EPHA7: variants seen among roughly 807,000 people sequenced by gnomAD.
EPHA7 encodes EPH receptor A7, also known as ephrin type-A receptor 7.
Under a neutral mutation model 112.6 loss-of-function variants are expected in EPHA7, and 25 were observed. The ratio of observed to expected loss-of-function variants is 0.22; its 90% CI spans 0.16 to 0.31. EPHA7 has a LOEUF of 0.31. Among genes scored for constraint, EPHA7 ranks in the 10% least tolerant of loss-of-function variants. The probability of loss-of-function intolerance (pLI) is 1.00; values close to 1 mark genes in which losing one functional copy is unlikely to be tolerated. For missense variants in EPHA7, 962 were observed against 1,212.6 expected (o/e 0.79, Z 3.07); for synonymous variants, 437 against 406.5 (o/e 1.07, Z -0.90).
chr6:93,282,813 T>TC (rs1000189884), intron 5 of EPHA7, among the ~76,000 whole-genome samples: 146 of 152,154 alleles, frequency 9.6e-4, no homozygotes, highest in African/African-American at 3.4e-3. Flanking sequence ...GGTCGATTTC[T>TC]CCCCCGGCCT....
At chr6:93,356,150 G>C (rs767519187) in intron 5 of EPHA7, among the ~76,000 whole-genome samples, 1 of 151,686 alleles carries the variant, frequency 6.6e-6, no homozygotes, top group Non-Finnish European at 1.5e-5. Context: ...CCCTCCTCTA[G>C]ATCTTTCAGT....
chr6:93,310,121 ATTAAC>A (rs1356085184), intron 5 of EPHA7, among the ~76,000 whole-genome samples: 1 of 152,174 alleles, frequency 6.6e-6, no homozygotes, highest in African/African-American at 2.4e-5. Context: ...AATTATTTAA[ATTAAC>A]TTAATTTTCA....
chr6:93,303,947 T>C (rs1324577763), intron 5 of EPHA7, among the ~76,000 whole-genome samples: 1 of 152,118 alleles, frequency 6.6e-6, no homozygotes, highest in Non-Finnish European at 1.5e-5. Context: ...GCACTTAATA[T>C]GCTTCTCACA....
intron 5 of EPHA7, among the ~76,000 whole-genome samples, chr6:93,316,304 A>AAC (rs1378970163): frequency 6.6e-6 from 1 of 152,144 alleles, no homozygotes; most frequent in Non-Finnish European, 1.5e-5. Flanking sequence ...CTAACTTCCT[A>AAC]ACAGTGTTTA....
At chr6:93,344,443 A>C (rs930915106) in intron 5 of EPHA7, among the ~76,000 whole-genome samples, 1 of 151,514 alleles carries the variant, frequency 6.6e-6, no homozygotes, top group Non-Finnish European at 1.5e-5. Flanking sequence ...AAAGGCAGTA[A>C]TTTTTTCCAA....
intron 3 of EPHA7, among the ~76,000 whole-genome samples, chr6:93,404,604 C>T (rs888908994): frequency 6.7e-6 from 1 of 148,436 alleles, no homozygotes; most frequent in Admixed American, 6.8e-5. Context: ...TATATGTATA[C>T]ATGTATACAT....
chr6:93,311,031 C>T (rs546233833), intron 5 of EPHA7, among the ~76,000 whole-genome samples: 1 of 151,298 alleles, frequency 6.6e-6, no homozygotes, highest in East Asian at 1.9e-4. Flanking sequence ...CTCACTGCAA[C>T]CTTGACCTCC....
chr6:93,322,593 G>A (rs1582519068), intron 5 of EPHA7, among the ~76,000 whole-genome samples: 1 of 151,464 alleles, frequency 6.6e-6, no homozygotes, highest in African/African-American at 2.4e-5. Context: ...TTAGTTTTTG[G>A]TAAGGGAATA....
chr6:93,296,546 C>G (rs1409294690), intron 5 of EPHA7, among the ~76,000 whole-genome samples: 3 of 150,392 alleles, frequency 2.0e-5, no homozygotes, highest in Admixed American at 1.3e-4. Flanking sequence ...TTTGCCACCA[C>G]ATAGATGAAC....
Position 93,242,518 on chromosome 6 carries a change from C to G in EPHA7, c.*908G>C, listed in dbSNP as rs1769733871. 5.0e-6 allele frequency: 1 copy of G among 199,988 alleles called. No homozygotes were observed. Among genetic ancestry groups the G allele is most frequent in the Admixed American group, 6.0e-5 (1 of 16,592 alleles). 12.4% of individuals were successfully genotyped at this position (199,988 alleles called of 1,614,324 possible). ...TTTTAGATAACACTGGATAGTTCTG[C>G]TTTCAGAGACTTGCCTTCACCAACA... is the stretch of plus-strand genomic sequence containing the variant. On this transcript the variant is annotated 3_prime_UTR_variant, in exon 17 of 17. Coordinates refer to ENST00000369303, the MANE Select transcript of EPHA7 (RefSeq NM_004440.4).
At chr6:93,390,227 A>T (rs1777835815) in intron 3 of EPHA7, among the ~76,000 whole-genome samples, 1 of 151,702 alleles carries the variant, frequency 6.6e-6, no homozygotes, top group Non-Finnish European at 1.5e-5. Flanking sequence ...TTCTCAAAAA[A>T]AAAATCAGTA....
intron 5 of EPHA7, among the ~76,000 whole-genome samples, chr6:93,277,800 G>GA (rs1771540279): frequency 6.6e-6 from 1 of 151,644 alleles, no homozygotes; most frequent in East Asian, 1.9e-4. Flanking sequence ...ATAAATTCAA[G>GA]AAACAGTTAC....
intron 5 of EPHA7, among the ~76,000 whole-genome samples, chr6:93,296,654 C>T (rs1043146879): frequency 6.6e-6 from 1 of 151,096 alleles, no homozygotes; most frequent in Non-Finnish European, 1.5e-5. Context: ...GTCAAATAAA[C>T]AGAGATAGAG....
intron 9 of EPHA7, among the ~76,000 whole-genome samples, 171 bp from the exon 10 acceptor site, chr6:93,259,650 T>A (rs557987238): frequency 1.4e-4 from 22 of 152,108 alleles, no homozygotes; most frequent in Non-Finnish European, 2.9e-4. Context: ...ATAGGTATTA[T>A]CTGCAAGCTT....
At chr6:93,243,994 C>A (rs1236231913) in intron 16 of EPHA7, among the ~76,000 whole-genome samples, 1 of 151,912 alleles carries the variant, frequency 6.6e-6, no homozygotes, top group Non-Finnish European at 1.5e-5. Context: ...AGTTTTTATA[C>A]TGGATTCAAT....
chr6:93,282,677 G>A (rs971431257), intron 5 of EPHA7, among the ~76,000 whole-genome samples: 10 of 152,282 alleles, frequency 6.6e-5, no homozygotes, highest in South Asian at 4.1e-4. Context: ...CTGGGGCTGC[G>A]CACAGCGCTT....
rs767240586 is a variant in EPHA7 at position 93,243,534 on chromosome 6, C to T, written c.2889G>A (p.Val963=). 6.8e-6 allele frequency: 11 copies of T among 1,611,880 alleles called. No individual in the cohort carries two copies. Among genetic ancestry groups the T allele is most frequent in the Non-Finnish European group, 9.3e-6 (11 of 1,178,190 alleles). ...ESVARMTIED[V]MSLGITLVGH... is the part of the protein sequence containing the mutation. Reference sequence around the variant, plus strand: ...CAACCAGTGTGATCCCTAAACTCATCACATCCCTGAAAAAGACAAATGCAC... The same window carrying T: ...CAACCAGTGTGATCCCTAAACTCATTACATCCCTGAAAAAGACAAATGCAC... Residue 963 remains valine (V), a synonymous_variant, in exon 17 of 17, where the codon GTG becomes GTA. Coordinates refer to ENST00000369303, the MANE Select transcript of EPHA7 (RefSeq NM_004440.4).
intron 3 of EPHA7, among the ~76,000 whole-genome samples, chr6:93,395,596 C>G (rs1309947007): frequency 6.6e-6 from 1 of 151,550 alleles, no homozygotes; most frequent in Non-Finnish European, 1.5e-5. Context: ...CACACACACA[C>G]ACACACACAC....
At position 93,263,927 on chromosome 6, in the gene EPHA7, C is replaced by A. The variant is rs897462366; in HGVS notation, c.1743-12G>T. The A allele has an allele frequency of 1.2e-6, 2 of 1,605,160 alleles. No homozygotes were observed. Among genetic ancestry groups the A allele is most frequent in the Non-Finnish European group, 1.7e-6 (2 of 1,174,200 alleles). On this transcript the variant is annotated splice_polypyrimidine_tract_variant and intron_variant, in intron 8 of 16. Transcript: ENST00000369303. ...TATAACCACAGTGCCTTGAAGAAAG[C>A]AAATTTGTGACAATCTCAGTCATTT...
Sources: allele counts gnomAD v4.1 joint callset (sites outside exome capture counted in the v4.1 genomes callset), GRCh38; gene constraint gnomAD v4.1.1; transcripts MANE v1.5; gene names NCBI Gene and HGNC (gene_info 2026-07-23, HGNC 2026-07-21).